Variants in HS3ST5 observed in about 807,000 individuals in gnomAD.
The protein encoded by HS3ST5 is heparan sulfate-glucosamine 3-sulfotransferase 5.
A neutral mutation model predicts 25.4 loss-of-function variants in HS3ST5; 10 were observed. The ratio of observed to expected loss-of-function variants is 0.39; its 90% CI spans 0.24 to 0.67. The LOEUF is 0.67. HS3ST5 is among the 30% of genes least tolerant of loss of function. The pLI is 0.44. For synonymous variants in HS3ST5, 170 were observed against 162.4 expected, an observed-to-expected ratio of 1.05 and a Z score of -0.36; for missense variants, 324 against 420.7, an observed-to-expected ratio of 0.77 and a Z score of 2.01.
At chr6:114,081,987 A>G (rs1467289726) in intron 3 of HS3ST5, among the ~76,000 whole-genome samples, 1 of 152,188 alleles carries the variant, frequency 6.6e-6, no homozygotes, top group Non-Finnish European at 1.5e-5. Flanking sequence ...CCAAAAAAAC[A>G]CTGTACCCTT....
chr6:114,060,117 G>C (rs750170061), intron 4 of HS3ST5, among the ~76,000 whole-genome samples: 6 of 152,072 alleles, frequency 3.9e-5, no homozygotes, highest in Non-Finnish European at 7.4e-5. Flanking sequence ...GGGTTCAAGA[G>C]ATTCTCCTGC....
At chr6:114,191,827 C>T (rs914608959) in intron 2 of HS3ST5, among the ~76,000 whole-genome samples, 10 of 152,080 alleles carry the variant, frequency 6.6e-5, no homozygotes, top group African/African-American at 2.4e-4. Flanking sequence ...GATTAGATTC[C>T]TTAGTTTCTG....
intron 3 of HS3ST5, among the ~76,000 whole-genome samples, chr6:114,149,235 A>G (rs1325751739): frequency 2.0e-5 from 3 of 152,244 alleles, no homozygotes; most frequent in African/African-American, 4.8e-5. Flanking sequence ...TACTGGGTAT[A>G]TACCCAAAGG....
chr6:114,275,979 T>G (rs1773834331), intron 1 of HS3ST5, among the ~76,000 whole-genome samples: 1 of 151,868 alleles, frequency 6.6e-6, no homozygotes, highest in Non-Finnish European at 1.5e-5. Context: ...GTTGGGCCCC[T>G]TTCCCATTTC....
intron 3 of HS3ST5, among the ~76,000 whole-genome samples, chr6:114,130,426 A>G (rs9488334): frequency 0.14 from 21,664 of 152,204 alleles, 1,596 homozygotes; most frequent in Middle Eastern, 0.22. Flanking sequence ...AAAGTTACCT[A>G]TGCAATTGCT....
At chr6:114,241,596 T>A (rs1415535810) in intron 1 of HS3ST5, among the ~76,000 whole-genome samples, 1 of 152,232 alleles carries the variant, frequency 6.6e-6, no homozygotes, top group Non-Finnish European at 1.5e-5. Flanking sequence ...AGATCTCAGG[T>A]AATATCCCTT....
intron 3 of HS3ST5, among the ~76,000 whole-genome samples, chr6:114,132,689 A>G (rs1777397760): frequency 6.6e-6 from 1 of 152,182 alleles, no homozygotes; most frequent in African/African-American, 2.4e-5. Context: ...AATAGTTACC[A>G]TCTCTGTGAG....
intron 2 of HS3ST5, among the ~76,000 whole-genome samples, chr6:114,182,259 G>A (rs147129785): frequency 3.3e-5 from 5 of 152,180 alleles, no homozygotes; most frequent in South Asian, 4.1e-4. Context: ...TCCACATTTA[G>A]ACAATAACGG....
At chr6:114,313,048 A>C (rs1775600510) in intron 1 of HS3ST5, among the ~76,000 whole-genome samples, 1 of 150,116 alleles carries the variant, frequency 6.7e-6, no homozygotes, top group Non-Finnish European at 1.5e-5. Flanking sequence ...AAAAAAAAAA[A>C]AAAAAAGATA....
intron 3 of HS3ST5, among the ~76,000 whole-genome samples, chr6:114,150,783 T>C (rs1427043918): frequency 6.6e-6 from 1 of 152,262 alleles, no homozygotes; most frequent in Non-Finnish European, 1.5e-5. Flanking sequence ...TCATTTGTAC[T>C]CATATTTATT....
chr6:114,141,856 GTT>G (rs1292519168), intron 3 of HS3ST5, among the ~76,000 whole-genome samples: 1 of 87,782 alleles, frequency 1.1e-5, no homozygotes, highest in African/African-American at 4.3e-5. Context: ...TAAGATGATA[GTT>G]TGTGTGTGTG....
At chr6:114,316,087 T>C (rs1322681653) in intron 1 of HS3ST5, among the ~76,000 whole-genome samples, 5 of 152,162 alleles carry the variant, frequency 3.3e-5, no homozygotes, top group Admixed American at 3.3e-4. Flanking sequence ...TGCAGTGCCA[T>C]TAAGAGAAGC....
chr6:114,156,562 T>A (rs1778706987), intron 3 of HS3ST5, among the ~76,000 whole-genome samples: 3 of 152,234 alleles, frequency 2.0e-5, no homozygotes, highest in Admixed American at 2.0e-4. Flanking sequence ...AACTTTTAGT[T>A]GTGGTTCCAC....
At chr6:114,332,666 A>G (rs1776450087) in intron 1 of HS3ST5, among the ~76,000 whole-genome samples, 1 of 152,102 alleles carries the variant, frequency 6.6e-6, no homozygotes, top group African/African-American at 2.4e-5. Flanking sequence ...TGTGCGTGAC[A>G]GGGGAATAAC....
At position 114,303,767 on chromosome 6, in the gene HS3ST5, G is replaced by GA. The variant is rs1775180949; in HGVS notation, c.-339+38427dup. ...ACACTGTCTACTTAAGATTATTTATGAAATATAATGCATGCAATTATTTCT... is the reference window on the plus strand; with the variant it reads ...ACACTGTCTACTTAAGATTATTTATGAAAATATAATGCATGCAATTATTTCT... On this transcript the variant is annotated intron_variant, in intron 1 of 4. Transcript: ENST00000312719. 3.3e-5 allele frequency among the ~76,000 whole-genome samples: 5 copies of GA among 152,072 alleles called. 1 individual carries two copies. Among genetic ancestry groups the GA allele is most frequent in the Admixed American group, 3.3e-4 (5 of 15,264 alleles).
chr6:114,278,237 CA>C (rs1487579287), intron 1 of HS3ST5, among the ~76,000 whole-genome samples: 1 of 151,928 alleles, frequency 6.6e-6, no homozygotes, highest in Non-Finnish European at 1.5e-5. Flanking sequence ...AAATAAATGT[CA>C]AAATCAATAG....
At chr6:114,289,283 TA>T (rs1774469893) in intron 1 of HS3ST5, among the ~76,000 whole-genome samples, 1 of 152,132 alleles carries the variant, frequency 6.6e-6, no homozygotes, top group Non-Finnish European at 1.5e-5. Context: ...GTACTATTTA[TA>T]AATTTTTCCT....
At chr6:114,121,540 C>T (rs913316795) in intron 3 of HS3ST5, among the ~76,000 whole-genome samples, 1 of 152,072 alleles carries the variant, frequency 6.6e-6, no homozygotes, top group Non-Finnish European at 1.5e-5. Flanking sequence ...TGGTTTGTGA[C>T]TTTCCAAACC....
At chr6:114,258,928 C>G (rs1252296165) in intron 1 of HS3ST5, among the ~76,000 whole-genome samples, 1 of 152,046 alleles carries the variant, frequency 6.6e-6, no homozygotes, top group Non-Finnish European at 1.5e-5. Flanking sequence ...ATATGGAAAA[C>G]AAACATTAAT....
Sources: allele counts gnomAD v4.1 joint callset (sites outside exome capture counted in the v4.1 genomes callset), GRCh38; gene constraint gnomAD v4.1.1; transcripts MANE v1.5; gene names NCBI Gene and HGNC (gene_info 2026-07-23, HGNC 2026-07-21).